The following KPNA1 variants were observed in gnomAD, a reference collection of about 807,000 sequenced individuals.
The protein encoded by KPNA1 is importin subunit alpha-5.
In KPNA1, 10 loss-of-function variants were observed where a neutral mutation model predicts 70.5. The observed-to-expected ratio is 0.14, with a 90% CI of 0.09 to 0.24. The LOEUF (loss-of-function observed/expected upper bound fraction) is 0.24, where lower values mean the gene tolerates loss of function less well. KPNA1 is among the 10% of genes least tolerant of loss of function. The probability of loss-of-function intolerance (pLI) is 1.00; values close to 1 mark genes in which losing one functional copy is unlikely to be tolerated. For missense variants in KPNA1, 397 were observed against 637.9 expected (o/e 0.62, Z 4.07); for synonymous variants, 192 against 221.9 (o/e 0.87, Z 1.20).
intron 2 of KPNA1, among the ~76,000 whole-genome samples, chr3:122,475,214 A>G (rs1242708716): frequency 1.3e-5 from 2 of 152,208 alleles, no homozygotes; most frequent in Non-Finnish European, 2.9e-5. Flanking sequence ...CACTAACAAC[A>G]AACTATCTGA....
chr3:122,439,030 A>C lies in KPNA1; in HGVS notation c.997-1735T>G, dbSNP rs572124319. Among the ~76,000 whole-genome samples the C allele has an allele frequency of 2.0e-5, 3 of 152,358 alleles. No homozygotes were observed. The South Asian group carries it at 6.2e-4, about 32-fold the overall frequency. ...TTAATAGAAAATTATCTCCTAAGTA[A>C]TGAAAGAAATGCAAATTAAAATGAA... On this transcript the variant is annotated intron_variant, in intron 10 of 13. Transcript: ENST00000344337.
chr3:122,429,608 A>G (rs2075873610), intron 12 of KPNA1, among the ~76,000 whole-genome samples: 1 of 152,164 alleles, frequency 6.6e-6, no homozygotes, highest in African/African-American at 2.4e-5. Context: ...AAGACTCAAT[A>G]TTGTTAAGAT....
intron 1 of KPNA1, among the ~76,000 whole-genome samples, chr3:122,504,937 A>T (rs911972431): frequency 6.6e-6 from 1 of 152,006 alleles, no homozygotes; most frequent in African/African-American, 2.4e-5. Context: ...ACAAGCCTCA[A>T]ATGTCCCTCT....
intron 2 of KPNA1, among the ~76,000 whole-genome samples, chr3:122,479,847 T>C (rs750936341): frequency 2.6e-5 from 4 of 152,138 alleles, no homozygotes; most frequent in Non-Finnish European, 5.9e-5. Flanking sequence ...CTTATATCTA[T>C]ACAAAATCCT....
chr3:122,449,546 T>C, intron 9 of KPNA1, 28 bp downstream of exon 9: 6 of 1,584,224 alleles, frequency 3.8e-6, no homozygotes, highest in South Asian at 1.1e-5. Context: ...GGAGAGAAAG[T>C]GGACACACTT....
intron 2 of KPNA1, among the ~76,000 whole-genome samples, chr3:122,478,662 AAGTTGC>A (rs2076533582): frequency 1.3e-5 from 2 of 151,680 alleles, no homozygotes; most frequent in East Asian, 1.9e-4. Context: ...CAGGAGGCGG[AAGTTGC>A]AGTGAGCCAA....
chr3:122,487,108 C>A (rs975571473), intron 2 of KPNA1, among the ~76,000 whole-genome samples: 2 of 152,120 alleles, frequency 1.3e-5, no homozygotes, highest in African/African-American at 4.8e-5. Flanking sequence ...TCAAAGACTG[C>A]TAAAACTTGA....
rs141278941 is a variant in KPNA1 at position 122,423,821 on chromosome 3, A to C, written c.*3164T>G. The C allele has an allele frequency of 6.5e-6, 1 of 152,766 alleles. No individual in the cohort carries two copies. Among genetic ancestry groups the C allele is most frequent in the African/African-American group, 2.4e-5 (1 of 41,586 alleles). 9.5% of individuals were successfully genotyped at this position (152,766 alleles called of 1,614,324 possible). ...GCCAATCTTTTTATCTGTGACGATA[A>C]TGCCAAAAATGACTCAGAGCCAATA... On this transcript the variant is annotated 3_prime_UTR_variant, in exon 14 of 14. Transcript: ENST00000344337.
chr3:122,489,093 G>A (rs1277536783), intron 2 of KPNA1, among the ~76,000 whole-genome samples: 4 of 135,702 alleles, frequency 2.9e-5, no homozygotes, highest in East Asian at 2.3e-4. Flanking sequence ...TGTCAGGGCA[G>A]GGCGGGGGTG....
At chr3:122,504,316 T>C (rs2076864463) in intron 1 of KPNA1, among the ~76,000 whole-genome samples, 2 of 152,158 alleles carry the variant, frequency 1.3e-5, no homozygotes, top group South Asian at 4.1e-4. Flanking sequence ...TTTCACTGTG[T>C]ATTCACATAG....
chr3:122,483,725 C>CA (rs1470335341), intron 2 of KPNA1, among the ~76,000 whole-genome samples: 1 of 152,112 alleles, frequency 6.6e-6, no homozygotes, highest in East Asian at 1.9e-4. Flanking sequence ...GAGGGAATCC[C>CA]ACCTCATCCC....
rs549431752 is a variant in KPNA1 at position 122,514,539 on chromosome 3, C to G, written c.-6+218G>C. ...GTTCCCGATGGCGATCACACCAGGG[C>G]TCCCCACCCCCACCCTCTCCTCCGC... is the stretch of plus-strand genomic sequence containing the variant. On this transcript the variant is annotated intron_variant, in intron 1 of 13. Transcript: ENST00000344337. The G allele has an allele frequency of 1.4e-4, 22 of 152,630 alleles. 1 individual carries two copies. In the East Asian group the frequency reaches 1.9e-3, roughly 13 times the overall value. The allele number at this position is 152,630 out of a possible 1,614,324, so 9.5% of individuals were successfully genotyped here.
At chr3:122,502,282 C>T (rs2076837425) in intron 1 of KPNA1, among the ~76,000 whole-genome samples, 1 of 152,186 alleles carries the variant, frequency 6.6e-6, no homozygotes, top group Middle Eastern at 3.2e-3. Context: ...CCTCAAAACT[C>T]TTATGTTGAC....
At chr3:122,493,335 A>G (rs2076720876) in intron 2 of KPNA1, among the ~76,000 whole-genome samples, 1 of 147,750 alleles carries the variant, frequency 6.8e-6, no homozygotes, top group Non-Finnish European at 1.5e-5. Flanking sequence ...ATACTACCCC[A>G]CAATGATAAA....
intron 2 of KPNA1, among the ~76,000 whole-genome samples, chr3:122,487,677 G>C (rs2076645208): frequency 6.6e-6 from 1 of 152,172 alleles, no homozygotes; most frequent in South Asian, 2.1e-4. Flanking sequence ...TATTGTACGA[G>C]TCTACTTATA....
chr3:122,470,927 C>T (rs1044248267), intron 2 of KPNA1, among the ~76,000 whole-genome samples: 5 of 152,050 alleles, frequency 3.3e-5, no homozygotes, highest in Non-Finnish European at 4.4e-5. Flanking sequence ...CTTTGACTGT[C>T]AATAGTCTAA....
At chr3:122,493,169 A>T (rs1470351252) in intron 2 of KPNA1, among the ~76,000 whole-genome samples, 1 of 152,212 alleles carries the variant, frequency 6.6e-6, no homozygotes, top group Non-Finnish European at 1.5e-5. Flanking sequence ...AGCTCTATTC[A>T]CAACAGGATT....
At chr3:122,488,198 G>A (rs1435314536) in intron 2 of KPNA1, among the ~76,000 whole-genome samples, 1 of 152,170 alleles carries the variant, frequency 6.6e-6, no homozygotes, top group Non-Finnish European at 1.5e-5. Flanking sequence ...AAAGCTGACT[G>A]CGCTCTTTGA....
intron 6 of KPNA1, among the ~76,000 whole-genome samples, chr3:122,453,635 C>T (rs1462530334): frequency 6.6e-6 from 1 of 152,074 alleles, no homozygotes; most frequent in Non-Finnish European, 1.5e-5. Flanking sequence ...CTCTCGGGTT[C>T]AAGCAATTCT....
Sources: allele counts gnomAD v4.1 joint callset (sites outside exome capture counted in the v4.1 genomes callset), GRCh38; gene constraint gnomAD v4.1.1; transcripts MANE v1.5; gene names NCBI Gene and HGNC (gene_info 2026-07-23, HGNC 2026-07-21).